Variants in ZBTB7C observed in about 807,000 individuals in gnomAD.
The protein encoded by ZBTB7C is zinc finger and BTB domain-containing protein 7C.
Under a neutral mutation model 25.7 loss-of-function variants are expected in ZBTB7C, and 8 were observed. That is an observed-to-expected ratio of 0.31 (90% confidence interval 0.18 to 0.56). ZBTB7C has a LOEUF of 0.56. ZBTB7C is among the 20% of genes least tolerant of loss of function. ZBTB7C has a pLI of 0.91. For missense variants in ZBTB7C, 824 were observed against 855.2 expected (o/e 0.96, Z 0.46); for synonymous variants, 394 against 369.0 (o/e 1.07, Z -0.78).
intron 3 of ZBTB7C, among the ~76,000 whole-genome samples, chr18:48,166,345 G>A (rs2041243686): frequency 6.6e-6 from 1 of 152,164 alleles, no homozygotes; most frequent in Non-Finnish European, 1.5e-5. Flanking sequence ...TAAGAACACT[G>A]GGTAGGAAGA....
Position 48,222,780 on chromosome 18 carries a change from A to G in ZBTB7C, c.-78-36785T>C, listed in dbSNP as rs376455921. On this transcript the variant is annotated intron_variant, in intron 2 of 4. Transcript: ENST00000590800. ...AGGTCCCCTCCTCCACAAGGGCATG[A>G]GAAAGAGTGTCCAGCTTTCTCATCA... Among the ~76,000 whole-genome samples, 195 of 152,294 alleles carry G rather than the reference A, an allele frequency of 1.3e-3. 1 individual carries two copies. Among genetic ancestry groups the G allele is most frequent in the African/African-American group, 4.4e-3 (182 of 41,548 alleles).
rs138712968 is a variant in ZBTB7C at position 48,395,775 on chromosome 18, G to T, written c.-304+13451C>A. On this transcript the variant is annotated intron_variant, in intron 1 of 4. Transcript: ENST00000590800. Reference sequence around the variant, plus strand: ...CCAGTCTTAGCCATTTCTGAATGAAGAACAGGACATTAGGGAAGTGCAATC... The same window carrying T: ...CCAGTCTTAGCCATTTCTGAATGAATAACAGGACATTAGGGAAGTGCAATC... 6.0e-3 allele frequency among the ~76,000 whole-genome samples: 917 copies of T among 152,268 alleles called. 13 individuals carry two copies. The highest frequency in any genetic ancestry group is 0.021 in the African/African-American group (865 of 41,560).
chr18:48,245,647 G>C (rs2043671404), intron 2 of ZBTB7C, among the ~76,000 whole-genome samples: 1 of 152,020 alleles, frequency 6.6e-6, no homozygotes, highest in South Asian at 2.1e-4. Context: ...AAAACAAGGG[G>C]GCAAACCAAG....
At chr18:48,389,224 CTCTCTCTCTCTCGTGTGTGTGTGT>C (rs1199562466) in intron 1 of ZBTB7C, among the ~76,000 whole-genome samples, 10 of 124,358 alleles carry the variant, frequency 8.0e-5, no homozygotes, top group African/African-American at 2.9e-4. Flanking sequence ...CTCTCTCTCT[CTCTCTCTCTCTCGTGTGTGTGTGT>C]GTGTGTGTGT....
intron 2 of ZBTB7C, among the ~76,000 whole-genome samples, chr18:48,304,889 G>A (rs1598828614): frequency 6.8e-6 from 1 of 146,748 alleles, no homozygotes; most frequent in Non-Finnish European, 1.5e-5. Context: ...TTTGATTTCT[G>A]ACACCTTGAC....
At chr18:48,081,826 G>A (rs919880912) in intron 3 of ZBTB7C, among the ~76,000 whole-genome samples, 6 of 152,084 alleles carry the variant, frequency 3.9e-5, no homozygotes, top group African/African-American at 1.2e-4. Context: ...AAACTGAGAT[G>A]AGCTGCAAGT....
intron 1 of ZBTB7C, among the ~76,000 whole-genome samples, chr18:48,407,960 CA>C (rs2048320331): frequency 6.6e-6 from 1 of 152,176 alleles, no homozygotes; most frequent in African/African-American, 2.4e-5. Context: ...CAATGAAGAA[CA>C]GGGCCAAGCC....
chr18:48,270,203 A>G (rs1329241831), intron 2 of ZBTB7C, among the ~76,000 whole-genome samples: 1 of 151,842 alleles, frequency 6.6e-6, no homozygotes, highest in Non-Finnish European at 1.5e-5. Flanking sequence ...TACATCAATG[A>G]AAGAGGAAAC....
intron 3 of ZBTB7C, among the ~76,000 whole-genome samples, chr18:48,122,728 G>A (rs746580952): frequency 4.6e-5 from 7 of 152,296 alleles, no homozygotes; most frequent in Middle Eastern, 3.4e-3. Flanking sequence ...TAGCTACTTT[G>A]GGCTTCCGGG....
At chr18:48,171,282 A>G (rs2041469972) in intron 3 of ZBTB7C, among the ~76,000 whole-genome samples, 1 of 152,206 alleles carries the variant, frequency 6.6e-6, no homozygotes, top group South Asian at 2.1e-4. Context: ...TAAAGGAGGA[A>G]TCCAGGCTGG....
intron 3 of ZBTB7C, among the ~76,000 whole-genome samples, chr18:48,139,649 C>G (rs1568249928): frequency 6.6e-6 from 1 of 152,166 alleles, no homozygotes; most frequent in Non-Finnish European, 1.5e-5. Flanking sequence ...GTGTGCCCTG[C>G]TGGGACACAC....
intron 1 of ZBTB7C, among the ~76,000 whole-genome samples, chr18:48,398,722 TG>T (rs1336427894): frequency 6.6e-6 from 1 of 152,068 alleles, no homozygotes; most frequent in African/African-American, 2.4e-5. Flanking sequence ...CCCTTTTCTT[TG>T]TTCCCCCACC....
intron 1 of ZBTB7C, among the ~76,000 whole-genome samples, chr18:48,408,993 GC>G (rs1199336736): frequency 6.8e-6 from 1 of 146,398 alleles, no homozygotes; most frequent in Non-Finnish European, 1.5e-5. Context: ...AGCCACCGCA[GC>G]CCCCCGCCTC....
rs752721295 is a variant in ZBTB7C at position 48,314,821 on chromosome 18, C to T, written c.-79+23353G>A. Among the ~76,000 whole-genome samples, 6 of 152,296 alleles carry T rather than the reference C, an allele frequency of 3.9e-5. No homozygotes were observed. The East Asian group carries it at 5.8e-4, about 15-fold the overall frequency. On this transcript the variant is annotated intron_variant, in intron 2 of 4. Transcript: ENST00000590800. The stretch of plus-strand genomic sequence containing the variant: ...CAGGCTGCAGGCCACCCGAGGTGCC[C>T]GCCCCGACCCTGGCTTTCATTTTTA...
intron 2 of ZBTB7C, among the ~76,000 whole-genome samples, chr18:48,253,985 C>A (rs2043946155): frequency 1.3e-5 from 2 of 152,112 alleles, no homozygotes; most frequent in South Asian, 4.1e-4. Context: ...CAGCTAATAC[C>A]AACCAGCCTG....
rs954682587 is a variant in ZBTB7C, at chr18:48,244,035, T to C, written c.-78-58040A>G. 1.6e-4 allele frequency among the ~76,000 whole-genome samples: 24 copies of C among 152,154 alleles called. 1 individual carries two copies. The highest frequency in any genetic ancestry group is 1.0e-3 in the Admixed American group (16 of 15,268). On this transcript the variant is annotated intron_variant, in intron 2 of 4. Transcript: ENST00000590800. ...GTACAAAAATCAACTCAAGATGCAT[T>C]GAAGACTTAAATCTAAGACTCAAAA...
chr18:48,326,830 G>A (rs962821049), intron 2 of ZBTB7C, among the ~76,000 whole-genome samples: 2 of 152,216 alleles, frequency 1.3e-5, no homozygotes, highest in African/African-American at 4.8e-5. Flanking sequence ...ACAGAGGTGA[G>A]AGTGAGAAAT....
intron 1 of ZBTB7C, among the ~76,000 whole-genome samples, chr18:48,369,949 C>A (rs2047347135): frequency 6.6e-6 from 1 of 152,128 alleles, no homozygotes; most frequent in African/African-American, 2.4e-5. Context: ...ATGCATTATT[C>A]TCAGGTGGCC....
chr18:48,101,631 C>T (rs1375422876), intron 3 of ZBTB7C, among the ~76,000 whole-genome samples: 2 of 152,180 alleles, frequency 1.3e-5, no homozygotes, highest in Admixed American at 6.5e-5. Flanking sequence ...TCATTTAACA[C>T]TCACAGCATC....
Sources: gnomAD v4.1 joint callset for allele counts (sites outside exome capture counted in the v4.1 genomes callset) on GRCh38, gnomAD v4.1.1 for gene constraint, MANE v1.5 for transcripts, NCBI Gene and HGNC (gene_info 2026-07-23, HGNC 2026-07-21) for gene names.